The following CFAP65 variants were observed in gnomAD, a reference collection of about 807,000 sequenced individuals.
CFAP65 encodes cilia- and flagella-associated protein 65.
CFAP65 carries 155 observed loss-of-function variants against 208.0 expected under a neutral mutation model. The observed-to-expected ratio is 0.75, with a 90% CI of 0.65 to 0.85. The LOEUF (loss-of-function observed/expected upper bound fraction) is 0.85, where lower values mean the gene tolerates loss of function less well. Ranked by LOEUF, CFAP65 falls within the 40% of genes least tolerant of loss-of-function variation. CFAP65 has a pLI of 0.00. For missense variants in CFAP65, 2,294 were observed against 2,451.3 expected, an observed-to-expected ratio of 0.94 and a Z score of 1.36; for synonymous variants, 970 against 986.3, an observed-to-expected ratio of 0.98 and a Z score of 0.31.
chr2:219,021,389 G>C (rs1449774477), intron 18 of CFAP65, 109 bp from the exon 19 acceptor site: 9 of 1,329,400 alleles, frequency 6.8e-6, no homozygotes, highest in Non-Finnish European at 8.9e-6. Context: ...AGCAGGCCCT[G>C]AGGCAGGAAA....
intron 2 of CFAP65, among the ~76,000 whole-genome samples, chr2:219,040,012 T>TTTTATTTATTTA (rs3082570): frequency 5.4e-4 from 80 of 149,080 alleles, no homozygotes; most frequent in East Asian, 2.6e-3. Context: ...CTTAGAGGGA[T>TTTTATTTATTTA]TTTATTTATT....
At position 219,003,021 on chromosome 2, in the gene CFAP65, C is replaced by G. The variant is rs997008021; in HGVS notation, c.5694G>C (p.Arg1898Ser). ...GCAGCAGCGTGTCCGGGGTCAGACT[C>G]CTGGAAGACAAAAAGTCCCAGGTAG... Reference protein sequence around the residue: ...VIALPPFCVPRSLTPDTLLPT... With the variant: ...VIALPPFCVPSSLTPDTLLPT... Residue 1898 changes from arginine (R) to serine (S), a missense_variant and splice_region_variant, in exon 35 of 35, where the codon AGG (arginine) becomes AGC (serine). Physicochemically the swap from Arg to Ser is moderately radical, Grantham distance 110. This residue lies in a region of CFAP65 where 1,427 missense variants were observed against 1,438.7 expected (regional missense o/e 0.99). Transcript: ENST00000341552. This position sits in a 1 kb window ranked among gnomAD's most constrained non-coding sequence, Gnocchi z 4.4. 1 of 1,555,990 alleles carries G rather than the reference C, an allele frequency of 6.4e-7. No homozygotes were observed. Among genetic ancestry groups the G allele is most frequent in the African/African-American group, 1.4e-5 (1 of 73,802 alleles).
chr2:219,038,619 G>A lies in CFAP65; in HGVS notation c.154-41C>T, dbSNP rs112353063. The A allele has an allele frequency of 3.2e-6, 5 of 1,552,914 alleles. No homozygotes were observed. In the South Asian group the frequency reaches 3.4e-5, roughly 11 times the overall value. Reference sequence around the variant, plus strand: ...AGGGGAGAGGAGACAGGAGTGACATGAGAAAGAGAGGCTGAGGGAGGAGAC... The same window carrying A: ...AGGGGAGAGGAGACAGGAGTGACATAAGAAAGAGAGGCTGAGGGAGGAGAC... On this transcript the variant is annotated intron_variant, in intron 3 of 34. Coordinates refer to ENST00000341552, the MANE Select transcript of CFAP65 (RefSeq NM_194302.4).
chr2:219,041,497 A>C lies in CFAP65; in HGVS notation c.-58T>G. 1.3e-6 allele frequency: 2 copies of C among 1,550,586 alleles called. No homozygotes were observed. The highest frequency in any genetic ancestry group is 1.7e-6 in the Non-Finnish European group (2 of 1,146,994). On this transcript the variant is annotated 5_prime_UTR_variant, in exon 1 of 35. An upstream start codon of the reference 5' UTR is lost. Coordinates refer to ENST00000341552, the MANE Select transcript of CFAP65 (RefSeq NM_194302.4). ...AACGCTCAGAACTTACATCGCCTCC[A>C]TATTGCCGTCTCCATAGATACAGGA... is the stretch of plus-strand genomic sequence containing the variant.
chr2:219,036,608 C>T (rs546225859), intron 4 of CFAP65, among the ~76,000 whole-genome samples: 2 of 152,102 alleles, frequency 1.3e-5, no homozygotes, highest in South Asian at 4.1e-4. Flanking sequence ...TCATGCCTGG[C>T]TGATTTTTGT....
rs768329245 is a variant in CFAP65 at position 219,002,944 on chromosome 2, A to T, written c.5771T>A (p.Leu1924His). 8.3e-6 allele frequency: 13 copies of T among 1,565,670 alleles called. No individual in the cohort carries two copies. Among genetic ancestry groups the T allele is most frequent in the Non-Finnish European group, 1.1e-5 (13 of 1,154,846 alleles). Reference protein sequence around the residue: ...LHPVVPLPTDLP With the variant: ...LHPVVPLPTDHP ...GAGGCTGGGCGCGGGCATTTACGGA[A>T]GGTCGGTAGGAAGTGGCACCACCGG... The change falls in exon 35 of 35, where the codon CTT becomes CAT. Residue 1924 changes from leucine to histidine, a missense_variant. By Grantham distance (99) the Leu-to-His change is moderately conservative. Transcript: ENST00000341552. The surrounding 1 kb of genome is among the most constrained non-coding windows in gnomAD (Gnocchi z 7.9).
chr2:219,006,541 A>T (rs776702858), intron 29 of CFAP65, 32 bp from the exon 30 acceptor site: 1 of 1,611,136 alleles, frequency 6.2e-7, no homozygotes, highest in Non-Finnish European at 8.5e-7. Flanking sequence ...TGCTTAAGAT[A>T]CAAGAGGCCC....
Position 219,029,585 on chromosome 2 carries a change from C to A in CFAP65, c.1468G>T (p.Glu490Ter), listed in dbSNP as rs759146605. The A allele has an allele frequency of 6.2e-7, 1 of 1,614,142 alleles. No homozygotes were observed. Among genetic ancestry groups the A allele is most frequent in the Non-Finnish European group, 8.5e-7 (1 of 1,180,028 alleles). The change falls in exon 11 of 35, where the codon GAG (glutamate) becomes TAG (stop). Residue 490 changes from glutamate to a stop codon, truncating the protein, a stop_gained. Transcript: ENST00000341552. LOFTEE classifies it high-confidence loss of function. ...GERSEQPLWI[E>*]NQSDCTAHFQ... is the part of the protein sequence containing the mutation. ...TGGGCCGTGCAGTCCGATTGGTTCT[C>A]AATCCACAGGGGCTGCTCGGAGCGC...
Position 219,004,558 on chromosome 2 carries a change from G to T in CFAP65, c.5052-103C>A. The T allele has an allele frequency of 7.8e-7, 1 of 1,283,220 alleles. No individual in the cohort carries two copies. The highest frequency in any genetic ancestry group is 1.1e-6 in the Non-Finnish European group (1 of 930,614). 79.5% of individuals were successfully genotyped at this position (1,283,220 alleles called of 1,614,324 possible). ...TTCTAGGTGGGAAAGGGGCTGCTAG[G>T]TGGGGAGAGGGGAGCCCTTGGTCAG... On this transcript the variant is annotated intron_variant, in intron 32 of 34. Transcript: ENST00000341552. The surrounding 1 kb of genome is among the most constrained non-coding windows in gnomAD (Gnocchi z 4.7).
intron 24 of CFAP65, among the ~76,000 whole-genome samples, chr2:219,011,258 TTC>T (rs1224545428): frequency 6.6e-6 from 1 of 150,708 alleles, no homozygotes; most frequent in Non-Finnish European, 1.5e-5. Flanking sequence ...CAAGTTTTTT[TTC>T]TTTTTCTTTC....
At chr2:219,007,020 G>A (rs114856517) in intron 29 of CFAP65, among the ~76,000 whole-genome samples, 1,755 of 152,052 alleles carry the variant, frequency 0.012, 21 homozygotes, top group African/African-American at 0.034. Context: ...AAATGTAGGC[G>A]GGCAGCTCCA....
intron 1 of CFAP65, 63 bp downstream of exon 1, chr2:219,041,425 T>G: frequency 6.5e-7 from 1 of 1,532,272 alleles, no homozygotes; most frequent in Non-Finnish European, 8.8e-7. Flanking sequence ...ACAGATACCT[T>G]CCCTGGCCAC....
chr2:219,035,108 A>T, intron 5 of CFAP65: 1 of 468,106 alleles, frequency 2.1e-6, no homozygotes, highest in Admixed American at 4.0e-5. Flanking sequence ...AGGAAAAAAA[A>T]AAAAAAAACC....
intron 18 of CFAP65, 53 bp from the exon 19 acceptor site, chr2:219,021,333 C>T: frequency 6.7e-7 from 1 of 1,495,456 alleles, no homozygotes. Flanking sequence ...CCAGCCATTC[C>T]TCCTGCTCCT....
Position 219,024,137 on chromosome 2 carries a change from T to C in CFAP65, c.2473A>G (p.Thr825Ala), listed in dbSNP as rs900098792. Residue 825 changes from threonine to alanine, a missense_variant, in exon 15 of 35, where the codon ACT (threonine) becomes GCT (alanine). Around this residue, in one of 2 missense-constraint regions of CFAP65, gnomAD observed 1,427 missense variants for 1,438.7 expected, o/e 0.99. Coordinates refer to ENST00000341552, the MANE Select transcript of CFAP65 (RefSeq NM_194302.4). ...GCCCCGGGTGCCACAAGGCCCGAAG[T>C]GGGCCGAAGGATGACGTCTGAGCCT... ...QRGSDVILRPTSGLVAPGAHQ... is the reference protein window; with the variant it reads ...QRGSDVILRPASGLVAPGAHQ... 10 of 1,613,816 alleles carry C rather than the reference T, an allele frequency of 6.2e-6. No homozygotes were observed. The African/African-American group carries it at 1.2e-4, about 19-fold the overall frequency.
At position 219,010,535 on chromosome 2, in the gene CFAP65, C is replaced by T; in HGVS notation, c.4308+11G>A. 6.2e-7 allele frequency: 1 copy of T among 1,605,584 alleles called. No individual in the cohort carries two copies. The highest frequency in any genetic ancestry group is 8.5e-7 in the Non-Finnish European group (1 of 1,178,030). On this transcript the variant is annotated intron_variant, in intron 26 of 34. Transcript: ENST00000341552. ...CAAGGCCTCAGGCCTTCCTAGCTCCCCTTTCCCCACCTGTCCAGGCACCAC... is the reference window on the plus strand; with the variant it reads ...CAAGGCCTCAGGCCTTCCTAGCTCCTCTTTCCCCACCTGTCCAGGCACCAC...
rs1347617875 is a variant in CFAP65, at chr2:219,028,355, GT to G, written c.1696del (p.Thr566ProfsTer6). The G allele has an allele frequency of 1.3e-5, 21 of 1,613,648 alleles. No individual in the cohort carries two copies. The highest frequency in any genetic ancestry group is 1.7e-5 in the Non-Finnish European group (20 of 1,179,976). On this transcript the variant is annotated frameshift_variant, in exon 12 of 35. Coordinates refer to ENST00000341552, the MANE Select transcript of CFAP65 (RefSeq NM_194302.4). LOFTEE classifies it high-confidence loss of function. Reference sequence around the variant, plus strand: ...CTGAGGCTTCAGGATGGCTGGCTTGGTGCTGTCCGAGTGGCAGGTCCCCATC... The same window carrying G: ...CTGAGGCTTCAGGATGGCTGGCTTGGGCTGTCCGAGTGGCAGGTCCCCATC... ...DLMGTCHSDS[T>X]KPAILKPQHL...
chr2:219,022,884 T>A (rs1240096946), intron 16 of CFAP65, among the ~76,000 whole-genome samples: 6 of 152,140 alleles, frequency 3.9e-5, no homozygotes, highest in Non-Finnish European at 8.8e-5. Flanking sequence ...CAACCCACCC[T>A]CCCAATGACC....
intron 24 of CFAP65, among the ~76,000 whole-genome samples, chr2:219,011,270 C>CTTTTTTTTTTTT (rs528817484): frequency 1.1e-4 from 12 of 107,114 alleles, no homozygotes; most frequent in African/African-American, 1.8e-4. Context: ...CTTTTTCTTT[C>CTTTTTTTTTTTT]TTTTTTTTTT....
Sources: allele counts gnomAD v4.1 joint callset (sites outside exome capture counted in the v4.1 genomes callset), GRCh38; gene constraint gnomAD v4.1.1; regional missense constraint gnomAD v4.1.1; non-coding constraint Gnocchi (gnomAD v3.1); transcripts MANE v1.5; gene names NCBI Gene and HGNC (gene_info 2026-07-23, HGNC 2026-07-21).